The following CYFIP1 variants were observed in gnomAD, a reference collection of about 807,000 sequenced individuals.
CYFIP1 encodes cytoplasmic FMR1-interacting protein 1.
A neutral mutation model predicts 163.5 loss-of-function variants in CYFIP1; 58 were observed. The observed-to-expected ratio is 0.35, with a 90% CI of 0.29 to 0.44. The LOEUF (loss-of-function observed/expected upper bound fraction) is 0.44. Among genes scored for constraint, CYFIP1 ranks in the 20% least tolerant of loss-of-function variants. The probability of loss-of-function intolerance (pLI) is 1.00; values close to 1 mark genes in which losing one functional copy is unlikely to be tolerated. For synonymous variants in CYFIP1, 663 were observed against 660.7 expected (o/e 1.00, Z -0.05); for missense variants, 1,338 against 1,653.8 (o/e 0.81, Z 3.31).
intron 8 of CYFIP1, 149 bp from the exon 9 acceptor site, chr15:22,937,357 T>C: frequency 3.4e-6 from 2 of 596,182 alleles, no homozygotes; most frequent in East Asian, 2.8e-5. Flanking sequence ...TGTCTGGTGC[T>C]TGAAATGCAT....
chr15:22,976,981 C>T (rs1364747975), intron 1 of CYFIP1, among the ~76,000 whole-genome samples: 2 of 152,108 alleles, frequency 1.3e-5, no homozygotes, highest in African/African-American at 4.8e-5. Context: ...AGGCGGATCA[C>T]CTGAGGTTGG....
At chr15:22,960,085 T>C (rs552241391) in intron 1 of CYFIP1, among the ~76,000 whole-genome samples, 5 of 152,306 alleles carry the variant, frequency 3.3e-5, no homozygotes, top group Admixed American at 1.3e-4. Context: ...GCGCCTGGCC[T>C]GTGGGCCGAG....
chr15:22,912,294 G>C lies in CYFIP1; in HGVS notation c.1986-19C>G, dbSNP rs747287877. On this transcript the variant is annotated intron_variant, in intron 17 of 30. Coordinates refer to ENST00000617928, the MANE Select transcript of CYFIP1 (RefSeq NM_014608.6). ...CACGTACCTGCAGAGGACAGCAGCA[G>C]TGTGACCAGCAGCCTCTGCCACTCA... 7 of 1,583,514 alleles carry C rather than the reference G, an allele frequency of 4.4e-6. No individual in the cohort carries two copies. Among genetic ancestry groups the C allele is most frequent in the African/African-American group, 1.4e-5 (1 of 73,930 alleles).
intron 11 of CYFIP1, among the ~76,000 whole-genome samples, chr15:22,928,529 C>T (rs1436697486): frequency 6.6e-6 from 1 of 152,216 alleles, no homozygotes; most frequent in African/African-American, 2.4e-5. Context: ...GGACAGGCCG[C>T]TGCCACAGCC....
chr15:22,871,426 A>C (rs2059430539), intron 30 of CYFIP1, among the ~76,000 whole-genome samples: 1 of 152,350 alleles, frequency 6.6e-6, no homozygotes, highest in Middle Eastern at 3.4e-3. Context: ...AAAGCTCAGC[A>C]GATTAGAGCT....
At chr15:22,892,249 AATGTTT>A (rs2060104797) in intron 23 of CYFIP1, among the ~76,000 whole-genome samples, 1 of 152,160 alleles carries the variant, frequency 6.6e-6, no homozygotes, top group African/African-American at 2.4e-5. Flanking sequence ...TCGTTGCTAC[AATGTTT>A]ATATTTTCCT....
intron 9 of CYFIP1, among the ~76,000 whole-genome samples, chr15:22,934,913 T>C (rs1374874106): frequency 6.6e-6 from 1 of 152,018 alleles, no homozygotes; most frequent in Non-Finnish European, 1.5e-5. Flanking sequence ...GTGCAAGACC[T>C]CTAAACAAAA....
In CYFIP1 at chr15:22,944,536, C is replaced by A. The variant is rs765237362; in HGVS notation, c.387+22G>T. 17 of 1,549,346 alleles carry A rather than the reference C, an allele frequency of 1.1e-5. No individual in the cohort carries two copies. The Admixed American group carries it at 2.4e-4, about 21-fold the overall frequency. On this transcript the variant is annotated intron_variant, in intron 5 of 30. Transcript: ENST00000617928. The stretch of plus-strand genomic sequence containing the variant: ...ACCCACCCCTCGGTGTTACACCCCC[C>A]CCAGATTATTTGCCATTTTACCTGG...
Position 22,917,293 on chromosome 15 carries a change from CAGCGGTGTGG to C in CYFIP1, c.1674+485_1674+494del. The C allele has an allele frequency of 7.4e-7, 1 of 1,359,428 alleles. No homozygotes were observed. The highest frequency in any genetic ancestry group is 9.4e-7 in the Non-Finnish European group (1 of 1,061,274). 84.2% of individuals were successfully genotyped at this position (1,359,428 alleles called of 1,614,324 possible). A position where few individuals can be genotyped will look rare whatever the true frequency, so the allele number is the denominator to read the frequency against. On this transcript the variant is annotated intron_variant, in intron 15 of 30. Coordinates refer to ENST00000617928, the MANE Select transcript of CYFIP1 (RefSeq NM_014608.6). The surrounding 1 kb of genome is among the most constrained non-coding windows in gnomAD (Gnocchi z 4.2). ...CCAGCCCCAGGACGGAGGACAGACG[CAGCGGTGTGG>C]ATTAAACCGGGTGTGAAAGTCGTGA...
At chr15:22,914,462 C>T (rs1392425969) in intron 17 of CYFIP1, among the ~76,000 whole-genome samples, 6 of 151,152 alleles carry the variant, frequency 4.0e-5, no homozygotes, top group East Asian at 1.9e-4. Context: ...GGTCTTGCTA[C>T]GTGGCCAGGC....
intron 26 of CYFIP1, among the ~76,000 whole-genome samples, chr15:22,875,907 G>T: frequency 9.7e-6 from 1 of 103,566 alleles, no homozygotes; most frequent in Non-Finnish European, 2.1e-5. Context: ...TAAAGAAAAT[G>T]TACCTCCAGG....
At chr15:22,875,908 T>C (rs2059574581) in intron 26 of CYFIP1, among the ~76,000 whole-genome samples, 2 of 106,616 alleles carry the variant, frequency 1.9e-5, no homozygotes, top group Admixed American at 2.3e-4. Context: ...AAAGAAAATG[T>C]ACCTCCAGGA....
intron 29 of CYFIP1, 80 bp from the exon 30 acceptor site, chr15:22,873,052 G>T: frequency 1.3e-6 from 2 of 1,490,224 alleles, no homozygotes; most frequent in Non-Finnish European, 1.8e-6. Flanking sequence ...CCAGATGTCA[G>T]TGACCAAGCC....
intron 26 of CYFIP1, among the ~76,000 whole-genome samples, chr15:22,879,388 C>T (rs773459396): frequency 3.3e-5 from 5 of 152,142 alleles, no homozygotes; most frequent in African/African-American, 1.2e-4. Flanking sequence ...GTCGAAAACA[C>T]GAGGCGTCCA....
chr15:22,884,969 G>A (rs1233912526), intron 23 of CYFIP1, among the ~76,000 whole-genome samples: 2 of 151,250 alleles, frequency 1.3e-5, no homozygotes, highest in Non-Finnish European at 2.9e-5. Flanking sequence ...GATGGGGGGT[G>A]GGGTGGGGAG....
At chr15:22,878,409 T>C (rs1343242492) in intron 26 of CYFIP1, among the ~76,000 whole-genome samples, 1 of 152,062 alleles carries the variant, frequency 6.6e-6, no homozygotes, top group African/African-American at 2.4e-5. Context: ...AGCTGGCAGA[T>C]GGCAGGGGAC....
chr15:22,903,333 T>G (rs1333028353), intron 22 of CYFIP1, among the ~76,000 whole-genome samples: 1 of 152,106 alleles, frequency 6.6e-6, no homozygotes, highest in Non-Finnish European at 1.5e-5. Flanking sequence ...CATCCACCGT[T>G]TCACCACCAA....
rs2061427886 is a variant in CYFIP1 at position 22,928,419 on chromosome 15, AT to A, written c.1111-392del. ...AATAAATAAATAAATAAATAAATAA[AT>A]AAATAAATAAATAAAAAGAAAATAA... On this transcript the variant is annotated intron_variant, in intron 11 of 30. Transcript: ENST00000617928. Among the ~76,000 whole-genome samples the A allele has an allele frequency of 5.9e-5, 9 of 151,580 alleles. No individual in the cohort carries two copies. In the South Asian group the frequency reaches 1.9e-3, roughly 31 times the overall value.
chr15:22,892,598 T>A (rs1216318796), intron 23 of CYFIP1, among the ~76,000 whole-genome samples: 3 of 152,170 alleles, frequency 2.0e-5, no homozygotes, highest in African/African-American at 7.2e-5. Context: ...CTCACTTGTG[T>A]TTGTGCTGGG....
Sources: allele counts gnomAD v4.1 joint callset (sites outside exome capture counted in the v4.1 genomes callset), GRCh38; gene constraint gnomAD v4.1.1; non-coding constraint Gnocchi (gnomAD v3.1); transcripts MANE v1.5; gene names NCBI Gene and HGNC (gene_info 2026-07-23, HGNC 2026-07-21).